Variants in RAP1A observed in about 807,000 individuals in gnomAD.
The protein encoded by RAP1A is ras-related protein Rap-1A.
RAP1A carries 6 observed loss-of-function variants against 26.4 expected under a neutral mutation model. The observed-to-expected ratio is 0.23, with a 90% confidence interval of 0.12 to 0.45. The LOEUF is 0.45. Ranked by LOEUF, RAP1A falls within the 20% of genes least tolerant of loss-of-function variation. The pLI is 0.99. For synonymous variants in RAP1A, 73 were observed against 79.4 expected (o/e 0.92, Z 0.43); for missense variants, 121 against 217.2 (o/e 0.56, Z 2.78).
chr1:111,625,466 A>G (rs1168130350), intron 1 of RAP1A, among the ~76,000 whole-genome samples: 4 of 152,218 alleles, frequency 2.6e-5, no homozygotes, highest in Non-Finnish European at 2.9e-5. Context: ...ATTGCTGACT[A>G]TACATTTCAG....
chr1:111,551,034 G>A (rs1030524338), intron 1 of RAP1A, among the ~76,000 whole-genome samples: 12 of 152,114 alleles, frequency 7.9e-5, no homozygotes, highest in African/African-American at 2.7e-4. Flanking sequence ...CATTTGTCTG[G>A]TTTTAGGATA....
At chr1:111,589,703 T>G (rs1202838955) in intron 1 of RAP1A, among the ~76,000 whole-genome samples, 1 of 152,132 alleles carries the variant, frequency 6.6e-6, no homozygotes, top group Admixed American at 6.5e-5. Context: ...GTTTTATGTA[T>G]TTATTTATTT....
At chr1:111,648,174 A>AGTGTGTGTGT (rs143658994) in intron 1 of RAP1A, 61 of 230,982 alleles carry the variant, frequency 2.6e-4, no homozygotes, top group Admixed American at 6.3e-4. Context: ...AGGTTCAAAC[A>AGTGTGTGTGT]GTGTGTGTGT....
At chr1:111,615,911 G>C (rs114312463), upstream of RAP1A, among the ~76,000 whole-genome samples, 3 of 151,890 alleles carry the variant, frequency 2.0e-5, no homozygotes, top group Middle Eastern at 3.2e-3. Flanking sequence ...TGTAACTCCT[G>C]TTTTGGACTA....
At chr1:111,636,074 T>G (rs1659721550) in intron 1 of RAP1A, among the ~76,000 whole-genome samples, 2 of 152,166 alleles carry the variant, frequency 1.3e-5, no homozygotes, top group South Asian at 4.1e-4. Context: ...AGACCTAAAG[T>G]ATTTAGCATG....
intron 1 of RAP1A, among the ~76,000 whole-genome samples, chr1:111,544,705 T>C (rs114732168): frequency 6.6e-6 from 1 of 152,160 alleles, no homozygotes; most frequent in Non-Finnish European, 1.5e-5. Context: ...TTTTGAATTA[T>C]ACATTCAAAA....
At chr1:111,565,958 A>C (rs988462551) in intron 1 of RAP1A, among the ~76,000 whole-genome samples, 1 of 152,112 alleles carries the variant, frequency 6.6e-6, no homozygotes, top group African/African-American at 2.4e-5. Flanking sequence ...TACATGTGCC[A>C]ACGTCCAGAT....
At chr1:111,705,011 G>T (rs930012440) in intron 6 of RAP1A, among the ~76,000 whole-genome samples, 39 of 152,170 alleles carry the variant, frequency 2.6e-4, no homozygotes, top group African/African-American at 7.7e-4. Flanking sequence ...AGGCTTTTGT[G>T]TGGGGCATGG....
chr1:111,589,565 G>C (rs1658433044), intron 1 of RAP1A, among the ~76,000 whole-genome samples: 1 of 151,832 alleles, frequency 6.6e-6, no homozygotes, highest in African/African-American at 2.4e-5. Context: ...TCCTCTATAT[G>C]GGCCTTAACT....
intron 1 of RAP1A, among the ~76,000 whole-genome samples, chr1:111,633,686 T>C (rs1040862262): frequency 6.6e-6 from 1 of 152,246 alleles, no homozygotes; most frequent in African/African-American, 2.4e-5. Context: ...AACATCCCTT[T>C]GAATTTTAAA....
At chr1:111,695,303 C>G in intron 2 of RAP1A, 38 bp from the exon 3 acceptor site, 1 of 1,464,722 alleles carries the variant, frequency 6.8e-7, no homozygotes, top group Non-Finnish European at 9.2e-7. Flanking sequence ...AGGAGTTTTC[C>G]TTTAATTTTT....
At chr1:111,616,694 A>G (rs1557866312), upstream of RAP1A, among the ~76,000 whole-genome samples, 1 of 152,156 alleles carries the variant, frequency 6.6e-6, no homozygotes, top group East Asian at 1.9e-4. Flanking sequence ...GGCTTTCCCC[A>G]GCAAAACTCA....
chr1:111,707,050 G>A (rs750104110), intron 6 of RAP1A, among the ~76,000 whole-genome samples: 1 of 152,066 alleles, frequency 6.6e-6, no homozygotes, highest in Non-Finnish European at 1.5e-5. Context: ...CTTGGACTTC[G>A]GAGTTGTAAA....
intron 1 of RAP1A, among the ~76,000 whole-genome samples, chr1:111,663,257 G>T (rs1332668608): frequency 6.6e-6 from 1 of 152,078 alleles, no homozygotes; most frequent in Non-Finnish European, 1.5e-5. Flanking sequence ...GGGTTCCCTG[G>T]TCTCCAACAT....
At chr1:111,674,537 C>T (rs1343448766) in intron 1 of RAP1A, among the ~76,000 whole-genome samples, 3 of 152,202 alleles carry the variant, frequency 2.0e-5, no homozygotes, top group Non-Finnish European at 4.4e-5. Flanking sequence ...TTCTACAGAA[C>T]CTCCAGACTT....
intron 1 of RAP1A, among the ~76,000 whole-genome samples, chr1:111,596,783 T>C (rs1358372237): frequency 6.6e-6 from 1 of 152,208 alleles, no homozygotes; most frequent in Non-Finnish European, 1.5e-5. Context: ...CCAGAGTCCT[T>C]TTTATAACAG....
At chr1:111,586,217 A>G (rs577610346) in intron 1 of RAP1A, among the ~76,000 whole-genome samples, 1 of 152,342 alleles carries the variant, frequency 6.6e-6, no homozygotes, top group African/African-American at 2.4e-5. Flanking sequence ...AATTTAAACA[A>G]CAAGTAAGCT....
intron 6 of RAP1A, among the ~76,000 whole-genome samples, chr1:111,708,321 AG>A (rs1662266185): frequency 1.3e-5 from 2 of 152,258 alleles, no homozygotes; most frequent in African/African-American, 4.8e-5. Context: ...ATACCTTGAA[AG>A]GGAGACAGTA....
At chr1:111,625,214 C>CTTCACGGTT (rs1437116848) in intron 1 of RAP1A, among the ~76,000 whole-genome samples, 2 of 152,126 alleles carry the variant, frequency 1.3e-5, no homozygotes, top group African/African-American at 4.8e-5. Flanking sequence ...CATGTTACTC[C>CTTCACGGTT]TTCACGGTTT....
Sources: gnomAD v4.1 joint callset for allele counts (sites outside exome capture counted in the v4.1 genomes callset) on GRCh38, gnomAD v4.1.1 for gene constraint, MANE v1.5 for transcripts, NCBI Gene and HGNC (gene_info 2026-07-23, HGNC 2026-07-21) for gene names.